Variants in PIK3CD observed in about 807,000 individuals in gnomAD.
PIK3CD encodes the protein phosphatidylinositol-4,5-bisphosphate 3-kinase catalytic subunit delta, also known as phosphatidylinositol 4,5-bisphosphate 3-kinase catalytic subunit delta isoform.
PIK3CD carries 20 observed loss-of-function variants against 122.9 expected under a neutral mutation model. The observed-to-expected ratio is 0.16, with a 90% confidence interval of 0.11 to 0.24. The LOEUF (loss-of-function observed/expected upper bound fraction) is 0.24. Ranked by LOEUF, PIK3CD falls within the 10% of genes least tolerant of loss-of-function variation. The pLI is 1.00. For missense variants in PIK3CD, 787 were observed against 1,406.3 expected (o/e 0.56, Z 7.04); for synonymous variants, 596 against 593.4 (o/e 1.00, Z -0.06).
the PIK3CD span, among the ~76,000 whole-genome samples, chr1:9,645,985 T>C: frequency 6.6e-6 from 1 of 152,026 alleles, no homozygotes; most frequent in African/African-American, 2.4e-5. Context: ...TTGGCCAGGC[T>C]GGTCTCAAAC....
intron 1 of PIK3CD, among the ~76,000 whole-genome samples, chr1:9,666,797 C>T (rs1034588272): frequency 2.0e-5 from 3 of 151,208 alleles, no homozygotes; most frequent in Non-Finnish European, 4.4e-5. Context: ...CTCTGCCTCC[C>T]GGGTTCAGGC....
In PIK3CD at chr1:9,720,396, G is replaced by A. The variant is rs1557668102; in HGVS notation, c.1470+154G>A. 1 of 1,368,642 alleles carries A rather than the reference G, an allele frequency of 7.3e-7. No individual in the cohort carries two copies. The highest frequency in any genetic ancestry group is 2.5e-5 in the East Asian group (1 of 39,552). The allele number at this position is 1,368,642 out of a possible 1,614,324, so 84.8% of individuals were successfully genotyped here. On this transcript the variant is annotated intron_variant, in intron 11 of 23. Coordinates refer to ENST00000377346, the MANE Select transcript of PIK3CD (RefSeq NM_005026.5). The surrounding 1 kb of genome is among the most constrained non-coding windows in gnomAD (Gnocchi z 9.0). ...TCCCAGGGGCCATTTTGCCTGCAGGGATGCTGCGCAGTCTGATGACATTTT... is the reference window on the plus strand; with the variant it reads ...TCCCAGGGGCCATTTTGCCTGCAGGAATGCTGCGCAGTCTGATGACATTTT...
Position 9,720,634 on chromosome 1 carries a change from C to T in PIK3CD, c.1494C>T (p.Ser498=). 7.9e-7 allele frequency: 1 copy of T among 1,262,144 alleles called. No individual in the cohort carries two copies. The highest frequency in any genetic ancestry group is 1.0e-6 in the Non-Finnish European group (1 of 978,730). The allele number at this position is 1,262,144 out of a possible 1,614,324, so 78.2% of individuals were successfully genotyped here. Residue 498 remains serine, a synonymous_variant, in exon 12 of 24, where the codon AGC becomes AGT. Transcript: ENST00000377346. This position sits in a 1 kb window ranked among gnomAD's most constrained non-coding sequence, Gnocchi z 9.0. ...AGATCTTGGAGCTGGGGCGACACAG[C>T]GAGTGTGTGCATGTCACCGAGGAGG... The part of the protein sequence containing the change: ...LEKILELGRH[S]ECVHVTEEEQ...
At chr1:9,726,074 A>C (rs544064734) in intron 23 of PIK3CD, among the ~76,000 whole-genome samples, 3 of 150,164 alleles carry the variant, frequency 2.0e-5, no homozygotes, top group Non-Finnish European at 4.4e-5. Flanking sequence ...TCAGCCAGGC[A>C]TGGTGGCACA....
At chr1:9,638,536 T>A in the PIK3CD span, among the ~76,000 whole-genome samples, 4 of 151,622 alleles carry the variant, frequency 2.6e-5, no homozygotes, top group African/African-American at 7.3e-5. Flanking sequence ...ATTGAGACCA[T>A]CCTGGCTAAC....
chr1:9,660,484 C>T (rs750466327), intron 1 of PIK3CD, among the ~76,000 whole-genome samples: 2 of 152,160 alleles, frequency 1.3e-5, no homozygotes, highest in African/African-American at 2.4e-5. Context: ...TCATAACCTA[C>T]GCATCCTTTT....
At chr1:9,675,931 A>AT (rs577007319) in intron 1 of PIK3CD, among the ~76,000 whole-genome samples, 33,243 of 132,164 alleles carry the variant, frequency 0.25, 5,786 homozygotes, top group East Asian at 0.62. Context: ...CACCAAGCTA[A>AT]TTTTTTTTTT....
At chr1:9,702,064 G>A (rs1343089206) in intron 2 of PIK3CD, among the ~76,000 whole-genome samples, 1 of 150,888 alleles carries the variant, frequency 6.6e-6, no homozygotes, top group Non-Finnish European at 1.5e-5. Context: ...GTGCGATCTC[G>A]GCTCACTGCA....
At position 9,722,514 on chromosome 1, in the gene PIK3CD, G is replaced by A; in HGVS notation, c.2348-14G>A. The A allele has an allele frequency of 6.2e-7, 1 of 1,609,608 alleles. No individual in the cohort carries two copies. Among genetic ancestry groups the A allele is most frequent in the Non-Finnish European group, 8.5e-7 (1 of 1,176,390 alleles). On this transcript the variant is annotated splice_polypyrimidine_tract_variant and intron_variant, in intron 18 of 23. Transcript: ENST00000377346. This position sits in a 1 kb window ranked among gnomAD's most constrained non-coding sequence, Gnocchi z 7.6. ...AGAAACTCACGCTTCTCCTCCCACC[G>A]GCCGGTGGCACAGACCTCCGGCAGG...
intron 1 of PIK3CD, among the ~76,000 whole-genome samples, chr1:9,658,779 C>T (rs1644932203): frequency 6.6e-6 from 1 of 152,126 alleles, no homozygotes; most frequent in African/African-American, 2.4e-5. Context: ...ATCTACCTGC[C>T]TCGGCCTCCC....
intron 2 of PIK3CD, among the ~76,000 whole-genome samples, chr1:9,708,316 G>T (rs925971584): frequency 3.9e-5 from 6 of 151,956 alleles, no homozygotes; most frequent in Non-Finnish European, 8.8e-5. Context: ...CGAGTAGCTG[G>T]AATTACAGGC....
At chr1:9,636,439 C>A in the PIK3CD span, among the ~76,000 whole-genome samples, 1 of 152,302 alleles carries the variant, frequency 6.6e-6, no homozygotes, top group African/African-American at 2.4e-5. Context: ...AATGATCCAC[C>A]CACCTTGGCC....
chr1:9,698,040 G>A (rs987616848), intron 2 of PIK3CD, among the ~76,000 whole-genome samples: 4 of 151,872 alleles, frequency 2.6e-5, no homozygotes, highest in African/African-American at 9.7e-5. Flanking sequence ...CAAAAAAGAA[G>A]AAGAAGAAAA....
At position 9,722,333 on chromosome 1, in the gene PIK3CD, G is replaced by A; in HGVS notation, c.2324G>A (p.Gly775Asp). The change falls in exon 18 of 24, where the codon GGC (glycine) becomes GAC (aspartate). Residue 775 changes from glycine to aspartate, a missense_variant. Around this residue, in one of 6 missense-constraint regions of PIK3CD, gnomAD observed 69 missense variants for 166.8 expected, o/e 0.41. Coordinates refer to ENST00000377346, the MANE Select transcript of PIK3CD (RefSeq NM_005026.5). This position sits in a 1 kb window ranked among gnomAD's most constrained non-coding sequence, Gnocchi z 7.6. ...NEEAGSGGSV[G>D]IIFKNGDDLR... ...GAGGCAGGCAGCGGCGGCAGCGTGGGCATCATCTTTAAGAACGGGGATGGT... is the reference window on the plus strand; with the variant it reads ...GAGGCAGGCAGCGGCGGCAGCGTGGACATCATCTTTAAGAACGGGGATGGT... The A allele has an allele frequency of 6.2e-7, 1 of 1,612,700 alleles. No homozygotes were observed. Among genetic ancestry groups the A allele is most frequent in the African/African-American group, 1.3e-5 (1 of 74,982 alleles).
chr1:9,709,840 CTACAAAAG>C (rs1646979836), intron 2 of PIK3CD, among the ~76,000 whole-genome samples: 3 of 152,112 alleles, frequency 2.0e-5, no homozygotes, highest in Admixed American at 6.6e-5. Flanking sequence ...AACCCTCTCT[CTACAAAAG>C]TACAAAAATT....
chr1:9,681,270 C>T (rs1557616887), intron 1 of PIK3CD: 1 of 152,200 alleles, frequency 6.6e-6, no homozygotes, highest in Non-Finnish European at 1.5e-5. Flanking sequence ...GAGATAGGGT[C>T]TCTGCTGCCC....
chr1:9,683,055 TGGG>T (rs753764771), intron 1 of PIK3CD, among the ~76,000 whole-genome samples: 1,879 of 138,336 alleles, frequency 0.014, 53 homozygotes, highest in African/African-American at 0.048. Context: ...TTTTTTTTTT[TGGG>T]GGGCTGGGTC....
At chr1:9,632,786 T>A in the PIK3CD span, among the ~76,000 whole-genome samples, 1 of 151,746 alleles carries the variant, frequency 6.6e-6, no homozygotes, top group East Asian at 1.9e-4. Context: ...GTCTAGAGCC[T>A]CTCAGACCCA....
rs1644720321 is a variant in PIK3CD at position 9,652,831 on chromosome 1, G to A, written c.-138+1029G>A. 6.6e-6 allele frequency: 1 copy of A among 152,268 alleles called. No individual in the cohort carries two copies. The highest frequency in any genetic ancestry group is 1.5e-5 in the Non-Finnish European group (1 of 68,148). The allele number at this position is 152,268 out of a possible 1,614,324, so 9.4% of individuals were successfully genotyped here. A position where few individuals can be genotyped will look rare whatever the true frequency, so the allele number is the denominator to read the frequency against. On this transcript the variant is annotated intron_variant, in intron 1 of 23. Coordinates refer to ENST00000377346, the MANE Select transcript of PIK3CD (RefSeq NM_005026.5). The surrounding 1 kb of genome is among the most constrained non-coding windows in gnomAD (Gnocchi z 6.2). ...TGGGGCGAGGGTGAAGCAGGTAGGG[G>A]CGAGATTTCCGGGGTCGCGGGTGGG...
Sources: gnomAD v4.1 joint callset for allele counts (sites outside exome capture counted in the v4.1 genomes callset) on GRCh38, gnomAD v4.1.1 for gene constraint, gnomAD v4.1.1 regional missense constraint, Gnocchi (gnomAD v3.1) non-coding constraint, MANE v1.5 for transcripts, NCBI Gene and HGNC (gene_info 2026-07-23, HGNC 2026-07-21) for gene names.